The following ERG variants were observed in gnomAD, a reference collection of about 807,000 sequenced individuals.
The protein encoded by ERG is ETS transcription factor ERG, also known as transcriptional regulator ERG.
In ERG, 9 loss-of-function variants were observed where a neutral mutation model predicts 55.3. The ratio of observed to expected loss-of-function variants is 0.16; its 90% confidence interval spans 0.10 to 0.28. ERG has a LOEUF of 0.28. Among genes scored for constraint, ERG ranks in the 10% least tolerant of loss-of-function variants. ERG has a pLI of 1.00. For synonymous variants in ERG, 223 were observed against 237.3 expected, an observed-to-expected ratio of 0.94 and a Z score of 0.55; for missense variants, 434 against 631.6, an observed-to-expected ratio of 0.69 and a Z score of 3.35.
At chr21:38,396,324 T>C (rs1274869965) in intron 6 of ERG, among the ~76,000 whole-genome samples, 2 of 152,244 alleles carry the variant, frequency 1.3e-5, no homozygotes, top group Non-Finnish European at 2.9e-5. Context: ...TGTGGTTATA[T>C]AAGAACTAAG....
intron 2 of ERG, among the ~76,000 whole-genome samples, chr21:38,435,431 G>A (rs76833843): frequency 0.012 from 1,869 of 152,272 alleles, 76 homozygotes; most frequent in East Asian, 0.1. Flanking sequence ...AGCAGCGGGT[G>A]GAGCTCAGCA....
At chr21:38,604,975 G>A (rs2060188028) in intron 1 of ERG, among the ~76,000 whole-genome samples, 1 of 152,232 alleles carries the variant, frequency 6.6e-6, no homozygotes, top group Non-Finnish European at 1.5e-5. Context: ...TGAAGATTCT[G>A]CTCTCGTTCC....
At chr21:38,428,552 T>C (rs1989954160) in intron 2 of ERG, among the ~76,000 whole-genome samples, 1 of 152,214 alleles carries the variant, frequency 6.6e-6, no homozygotes, top group South Asian at 2.1e-4. Context: ...AGTCCTGAAG[T>C]AGGACAGTGT....
At chr21:38,402,235 G>A (rs933909345) in intron 5 of ERG, among the ~76,000 whole-genome samples, 4 of 152,186 alleles carry the variant, frequency 2.6e-5, no homozygotes, top group Admixed American at 1.3e-4. Flanking sequence ...AGTCAGCACA[G>A]CGAATATATT....
At chr21:38,533,850 C>G (rs1182477564) in intron 2 of ERG, among the ~76,000 whole-genome samples, 1 of 152,158 alleles carries the variant, frequency 6.6e-6, no homozygotes, top group African/African-American at 2.4e-5. Flanking sequence ...GATGATGTCA[C>G]AGTTTTTATC....
At chr21:38,523,038 C>T (rs1264217489) in intron 2 of ERG, among the ~76,000 whole-genome samples, 3 of 152,188 alleles carry the variant, frequency 2.0e-5, no homozygotes, top group Admixed American at 2.0e-4. Context: ...AACTCAGACT[C>T]TGAAAAATGG....
In ERG at chr21:38,561,969, T is replaced by C. The variant is rs541581692; in HGVS notation, c.-41+13693A>G. On this transcript the variant is annotated intron_variant, in intron 2 of 8. Transcript: ENST00000398897. Reference sequence around the variant, plus strand: ...ACACAACCAGAATTTTGGAATTTGATCTTTAAAATAATAAAAAAACTTTCT... The same window carrying C: ...ACACAACCAGAATTTTGGAATTTGACCTTTAAAATAATAAAAAAACTTTCT... Among the ~76,000 whole-genome samples, 31 of 152,342 alleles carry C rather than the reference T, an allele frequency of 2.0e-4. 1 individual carries two copies. The highest frequency in any genetic ancestry group is 6.3e-4 in the African/African-American group (26 of 41,576).
At chr21:38,496,100 T>C (rs182421940) in intron 1 of ERG, among the ~76,000 whole-genome samples, 1 of 152,344 alleles carries the variant, frequency 6.6e-6, no homozygotes, top group East Asian at 1.9e-4. Context: ...GTTCCCAATT[T>C]CAAGTTACCA....
chr21:38,405,041 G>A (rs913370391), intron 3 of ERG, among the ~76,000 whole-genome samples: 1 of 151,914 alleles, frequency 6.6e-6, no homozygotes, highest in Non-Finnish European at 1.5e-5. Context: ...CAGCTACATA[G>A]AAGAAAGAAA....
intron 2 of ERG, among the ~76,000 whole-genome samples, chr21:38,431,185 T>G (rs534961122): frequency 6.6e-6 from 1 of 152,204 alleles, no homozygotes; most frequent in Non-Finnish European, 1.5e-5. Context: ...GAAATTTTGT[T>G]AAATTTGAGT....
chr21:38,434,543 G>A lies in ERG; in HGVS notation c.236+10861C>T, dbSNP rs191191113. Among the ~76,000 whole-genome samples, 7 of 152,338 alleles carry A rather than the reference G, an allele frequency of 4.6e-5. No individual in the cohort carries two copies. The East Asian group carries it at 1.3e-3, about 29-fold the overall frequency. On this transcript the variant is annotated intron_variant, in intron 2 of 9. Coordinates refer to ENST00000288319, the MANE Select transcript of ERG (RefSeq NM_182918.4). The stretch of plus-strand genomic sequence containing the variant: ...CTCAGTAAGTGTCTGCAGGATGAGT[G>A]AGTACATTTATGAATGAATCTTCCA...
intron 1 of ERG, among the ~76,000 whole-genome samples, chr21:38,486,494 T>C (rs1273434956): frequency 1.3e-5 from 2 of 152,192 alleles, no homozygotes; most frequent in African/African-American, 2.4e-5. Flanking sequence ...TGGTGATGCA[T>C]GACTGTGTAG....
intron 2 of ERG, among the ~76,000 whole-genome samples, chr21:38,557,500 A>C (rs1455595648): frequency 6.6e-6 from 1 of 152,208 alleles, no homozygotes; most frequent in Non-Finnish European, 1.5e-5. Context: ...GACTTCTGGG[A>C]CCAACCTGAG....
At chr21:38,479,656 G>A (rs1034228956) in intron 1 of ERG, among the ~76,000 whole-genome samples, 10 of 152,112 alleles carry the variant, frequency 6.6e-5, no homozygotes, top group Non-Finnish European at 1.2e-4. Context: ...ACCCCCAGGG[G>A]ATGTCTGAAA....
At chr21:38,507,986 G>C (rs1470254470) in intron 2 of ERG, among the ~76,000 whole-genome samples, 6 of 28,458 alleles carry the variant, frequency 2.1e-4, no homozygotes, top group East Asian at 2.2e-3. Flanking sequence ...GAGACACACA[G>C]ACACACACAC....
chr21:38,474,866 G>A (rs1194170773), intron 1 of ERG, among the ~76,000 whole-genome samples: 1 of 152,122 alleles, frequency 6.6e-6, no homozygotes, highest in African/African-American at 2.4e-5. Context: ...CAAAGAAAGT[G>A]AAGCATCGTA....
At chr21:38,586,033 GGTTAACA>G (rs1489943705), upstream of ERG, among the ~76,000 whole-genome samples, 2 of 151,766 alleles carry the variant, frequency 1.3e-5, no homozygotes, top group African/African-American at 2.4e-5. Flanking sequence ...TTATCAAAAT[GGTTAACA>G]GTCATGGTCT....
chr21:38,610,530 T>TGTGG (rs1049602257), intron 1 of ERG, among the ~76,000 whole-genome samples: 7 of 149,830 alleles, frequency 4.7e-5, no homozygotes, highest in African/African-American at 1.7e-4. Flanking sequence ...CACGCGCGTG[T>TGTGG]GTGTGTGTGT....
chr21:38,417,836 G>C (rs1465525371), intron 3 of ERG, among the ~76,000 whole-genome samples: 1 of 152,014 alleles, frequency 6.6e-6, no homozygotes, highest in Non-Finnish European at 1.5e-5. Flanking sequence ...CAGAAAAAGA[G>C]AAATCTTTCA....
Sources: allele counts gnomAD v4.1 joint callset (sites outside exome capture counted in the v4.1 genomes callset), GRCh38; gene constraint gnomAD v4.1.1; transcripts MANE v1.5; gene names NCBI Gene and HGNC (gene_info 2026-07-23, HGNC 2026-07-21).